GBE1: variants seen among roughly 807,000 people sequenced by gnomAD.
The protein encoded by GBE1 is 1,4-alpha-glucan-branching enzyme.
A neutral mutation model predicts 88.8 loss-of-function variants in GBE1; 70 were observed. The observed-to-expected ratio is 0.79, with a 90% CI of 0.65 to 0.96. The LOEUF (loss-of-function observed/expected upper bound fraction) is 0.96, where lower values mean the gene tolerates loss of function less well. GBE1 is among the 40% of genes least tolerant of loss of function. The probability of loss-of-function intolerance (pLI) is 0.00; values close to 1 mark genes in which losing one functional copy is unlikely to be tolerated. For missense variants in GBE1, 872 were observed against 871.0 expected (o/e 1.00, Z -0.01); for synonymous variants, 284 against 300.1 (o/e 0.95, Z 0.56).
chr3:81,686,736 CAA>C (rs1217775206), intron 2 of GBE1, among the ~76,000 whole-genome samples: 1 of 152,030 alleles, frequency 6.6e-6, no homozygotes, highest in African/African-American at 2.4e-5. Context: ...GCCTGGGCAA[CAA>C]GAGCGAAACT....
intron 2 of GBE1, among the ~76,000 whole-genome samples, chr3:81,691,400 T>C (rs548812493): frequency 7.9e-5 from 12 of 152,330 alleles, no homozygotes; most frequent in African/African-American, 2.9e-4. Flanking sequence ...GTATTTTGGT[T>C]TAATATGTAC....
intron 7 of GBE1, among the ~76,000 whole-genome samples, chr3:81,639,572 T>C (rs751893724): frequency 6.6e-6 from 1 of 152,178 alleles, no homozygotes; most frequent in Non-Finnish European, 1.5e-5. Flanking sequence ...TATCTTTACC[T>C]AACAAGTTTT....
intron 1 of GBE1, among the ~76,000 whole-genome samples, chr3:81,720,360 G>GTATA (rs202132232): frequency 2.1e-4 from 31 of 145,766 alleles, no homozygotes; most frequent in South Asian, 6.4e-4. Flanking sequence ...GTGTGTGTGT[G>GTATA]TGTATATATA....
rs1704804703 is a variant in GBE1, at chr3:81,648,848, T to C, written c.691+8A>G. The C allele has an allele frequency of 2.0e-6, 3 of 1,479,180 alleles. No individual in the cohort carries two copies. The highest frequency in any genetic ancestry group is 2.3e-5 in the Admixed American group (1 of 42,866). The allele number at this position is 1,479,180 out of a possible 1,614,324, so 91.6% of individuals were successfully genotyped here. A position where few individuals can be genotyped will look rare whatever the true frequency, so the allele number is the denominator to read the frequency against. ...TTTATCTGAATAAAAATCACAGTTA[T>C]TACTTACCAAGGCCTTTGATTCTTG... On this transcript the variant is annotated splice_region_variant and intron_variant, in intron 5 of 15. Transcript: ENST00000429644.
intron 12 of GBE1, among the ~76,000 whole-genome samples, chr3:81,545,034 G>A (rs1485410554): frequency 6.6e-6 from 1 of 152,056 alleles, no homozygotes; most frequent in Non-Finnish European, 1.5e-5. Context: ...ATAATGTATA[G>A]TCCTAATGAG....
intron 7 of GBE1, among the ~76,000 whole-genome samples, chr3:81,617,068 G>A (rs1704258090): frequency 6.8e-6 from 1 of 147,526 alleles, no homozygotes; most frequent in Non-Finnish European, 1.5e-5. Context: ...AAATACAACT[G>A]CAACCTTGCT....
intron 7 of GBE1, among the ~76,000 whole-genome samples, chr3:81,596,304 T>A (rs1164760391): frequency 6.6e-6 from 1 of 151,968 alleles, no homozygotes; most frequent in African/African-American, 2.4e-5. Context: ...TTTTTTATTA[T>A]ACTTTAAGTT....
Position 81,642,812 on chromosome 3 carries a change from G to A in GBE1, c.961C>T (p.Leu321Phe), listed in dbSNP as rs1224164348. The change falls in exon 7 of 16, where the codon CTT becomes TTT. Residue 321 changes from leucine to phenylalanine, a missense_variant. Coordinates refer to ENST00000429644, the MANE Select transcript of GBE1 (RefSeq NM_000158.4). ...TAGGCAAACAATCTGCTATCCCAAA[G>A]ATCATGAGTCCCTCTAGGTCCAGAA... is the stretch of plus-strand genomic sequence containing the variant. ...FHSGPRGTHDLWDSRLFAYSS... is the reference protein window; with the variant it reads ...FHSGPRGTHDFWDSRLFAYSS... 6.2e-7 allele frequency: 1 copy of A among 1,612,494 alleles called. No homozygotes were observed. The highest frequency in any genetic ancestry group is 2.2e-5 in the East Asian group (1 of 44,852).
intron 1 of GBE1, among the ~76,000 whole-genome samples, chr3:81,724,742 T>C (rs73128796): frequency 0.065 from 9,916 of 152,062 alleles, 439 homozygotes; most frequent in Non-Finnish European, 0.096. Context: ...AAGCAAAAAT[T>C]AGTTTTACTA....
At chr3:81,612,980 A>T in intron 7 of GBE1, 1 of 438,026 alleles carries the variant, frequency 2.3e-6, no homozygotes, top group Non-Finnish European at 4.1e-6. Context: ...AGGAGGAAGG[A>T]TTAGAAGATA....
At chr3:81,753,687 G>C (rs1706563281) in intron 1 of GBE1, among the ~76,000 whole-genome samples, 1 of 152,154 alleles carries the variant, frequency 6.6e-6, no homozygotes, top group Non-Finnish European at 1.5e-5. Flanking sequence ...ATGAGAAGAG[G>C]TCAGAGCCTG....
At chr3:81,492,903 AAATTT>A (rs2106800683) in intron 15 of GBE1, among the ~76,000 whole-genome samples, 1 of 152,012 alleles carries the variant, frequency 6.6e-6, no homozygotes, top group East Asian at 1.9e-4. Context: ...ACACTCAGCT[AAATTT>A]TGTATTTTTA....
chr3:81,754,442 C>T (rs973056462), intron 1 of GBE1, among the ~76,000 whole-genome samples: 3 of 139,304 alleles, frequency 2.2e-5, no homozygotes, highest in Admixed American at 7.5e-5. Context: ...ATATTCTTCA[C>T]AGAAATATAA....
chr3:81,637,535 A>C (rs1014384172), intron 7 of GBE1, among the ~76,000 whole-genome samples: 2 of 152,116 alleles, frequency 1.3e-5, no homozygotes, highest in African/African-American at 4.8e-5. Flanking sequence ...AACTTTACCA[A>C]ATAATACCAA....
Position 81,537,026 on chromosome 3 carries a change from G to C in GBE1, c.1688C>G (p.Ala563Gly). 6.3e-7 allele frequency: 1 copy of C among 1,586,428 alleles called. No homozygotes were observed. The highest frequency in any genetic ancestry group is 1.2e-5 in the South Asian group (1 of 85,630). Residue 563 changes from alanine to glycine, a missense_variant, in exon 13 of 16, where the codon GCC (alanine) becomes GGC (glycine). Physicochemically the swap from Ala to Gly is moderately conservative, Grantham distance 60. Transcript: ENST00000429644. ...GTCAGTTAAATGAAACTGCCGCCTG[G>C]CATAATGGTAACTCTCATTATTTCC... ...RKGNNESYHY[A>G]RRQFHLTDDD...
At chr3:81,671,007 T>C in intron 2 of GBE1, 54 bp from the exon 3 acceptor site, 1 of 781,706 alleles carries the variant, frequency 1.3e-6, no homozygotes, top group South Asian at 2.2e-5. Context: ...TAATAGTTAA[T>C]GAATTTCAAG....
intron 14 of GBE1, among the ~76,000 whole-genome samples, chr3:81,506,321 T>C (rs963732645): frequency 1.3e-5 from 2 of 152,060 alleles, no homozygotes; most frequent in East Asian, 1.9e-4. Context: ...TCAACATCAC[T>C]GATCCCTAGA....
Position 81,549,079 on chromosome 3 carries a change from A to G in GBE1, c.1619-11984T>C, listed in dbSNP as rs138004022. ...GGAGTCTTGCTCTGTCACCTAGGCT[A>G]GAGTGCAGTGGTGTGATCTCACTTA... On this transcript the variant is annotated intron_variant, in intron 12 of 15. Transcript: ENST00000429644. 3.0e-3 allele frequency among the ~76,000 whole-genome samples: 423 copies of G among 140,376 alleles called. 10 individuals carry two copies. Among genetic ancestry groups the G allele is most frequent in the South Asian group, 5.7e-3 (26 of 4,540 alleles). The allele number at this position is 140,376 out of a possible 152,430, so 92.1% of individuals were successfully genotyped here. A position where few individuals can be genotyped will look rare whatever the true frequency, so the allele number is the denominator to read the frequency against.
At chr3:81,750,152 G>A (rs1261500001) in intron 1 of GBE1, among the ~76,000 whole-genome samples, 1 of 151,994 alleles carries the variant, frequency 6.6e-6, no homozygotes, top group Non-Finnish European at 1.5e-5. Flanking sequence ...TAGGCAAAAA[G>A]CAAACAGGTA....
Sources: allele counts gnomAD v4.1 joint callset (sites outside exome capture counted in the v4.1 genomes callset), GRCh38; gene constraint gnomAD v4.1.1; transcripts MANE v1.5; gene names NCBI Gene and HGNC (gene_info 2026-07-23, HGNC 2026-07-21).